The following MACROD2 variants were observed in gnomAD, a reference collection of about 807,000 sequenced individuals.
MACROD2 encodes ADP-ribose glycohydrolase MACROD2.
In MACROD2, 36 loss-of-function variants were observed where a neutral mutation model predicts 70.4. The observed-to-expected ratio is 0.51, with a 90% confidence interval of 0.39 to 0.68. The LOEUF (loss-of-function observed/expected upper bound fraction) is 0.68, where lower values mean the gene tolerates loss of function less well. Ranked by LOEUF, MACROD2 falls within the 30% of genes least tolerant of loss-of-function variation. The pLI is 0.00. For missense variants in MACROD2, 496 were observed against 538.4 expected (o/e 0.92, Z 0.78); for synonymous variants, 172 against 178.8 (o/e 0.96, Z 0.30).
rs1337653363 is a variant in MACROD2, at chr20:14,962,321, G to C, written c.419-267619G>C. ...TCAATTTGACATTTTTTTCTAGAGA[G>C]AGAATCTCACGCTGTCACCCAGGCT... On this transcript the variant is annotated intron_variant, in intron 5 of 17. Coordinates refer to ENST00000684519, the MANE Select transcript of MACROD2 (RefSeq NM_001351661.2). Among the ~76,000 whole-genome samples the C allele has an allele frequency of 3.9e-5, 6 of 151,942 alleles. No homozygotes were observed. In the East Asian group the frequency reaches 1.2e-3, roughly 29 times the overall value.
intron 8 of MACROD2, among the ~76,000 whole-genome samples, chr20:15,673,977 C>T (rs907483846): frequency 2.0e-5 from 3 of 151,988 alleles, no homozygotes; most frequent in Admixed American, 1.3e-4. Context: ...TTGTGGCTAC[C>T]GTATTGAAAT....
intron 3 of MACROD2, among the ~76,000 whole-genome samples, chr20:14,228,346 T>C (rs970321320): frequency 1.6e-4 from 5 of 30,852 alleles, no homozygotes; most frequent in Non-Finnish European, 3.6e-4. Flanking sequence ...TTCTTTTTTT[T>C]TTTTTTTTTG....
chr20:14,624,362 G>A (rs1158002980), intron 4 of MACROD2, among the ~76,000 whole-genome samples: 1 of 152,158 alleles, frequency 6.6e-6, no homozygotes, highest in Non-Finnish European at 1.5e-5. Flanking sequence ...TTTACTAAGG[G>A]ACATTTTAAT....
chr20:15,172,353 A>C (rs1326727624), intron 5 of MACROD2, among the ~76,000 whole-genome samples: 1 of 152,204 alleles, frequency 6.6e-6, no homozygotes, highest in Admixed American at 6.5e-5. Context: ...GAGATCTACC[A>C]AGAGAAATTC....
At chr20:15,574,009 T>C (rs1318440089) in intron 8 of MACROD2, among the ~76,000 whole-genome samples, 1 of 152,220 alleles carries the variant, frequency 6.6e-6, no homozygotes, top group East Asian at 1.9e-4. Flanking sequence ...TTACACACCT[T>C]AGACCTTGGT....
chr20:14,998,956 C>G (rs964246067), intron 5 of MACROD2, among the ~76,000 whole-genome samples: 8 of 152,222 alleles, frequency 5.3e-5, no homozygotes, highest in Non-Finnish European at 4.4e-5. Flanking sequence ...GGCAGCCTTA[C>G]AGGCCAGGAG....
At chr20:15,282,766 C>T (rs2077456985) in intron 6 of MACROD2, among the ~76,000 whole-genome samples, 2 of 152,200 alleles carry the variant, frequency 1.3e-5, no homozygotes, top group Admixed American at 1.3e-4. Flanking sequence ...ACTATTCCAA[C>T]CTCTGCCTGT....
intron 5 of MACROD2, among the ~76,000 whole-genome samples, chr20:15,227,643 G>T (rs889892205): frequency 6.6e-6 from 1 of 152,086 alleles, no homozygotes; most frequent in African/African-American, 2.4e-5. Context: ...TTTCCCAAAG[G>T]TGAAATTGTG....
chr20:15,519,373 C>G (rs973419202), intron 8 of MACROD2, among the ~76,000 whole-genome samples: 5 of 152,240 alleles, frequency 3.3e-5, no homozygotes, highest in Admixed American at 6.5e-5. Flanking sequence ...ATCCTCCCAC[C>G]TTGGCCTCCC....
chr20:15,055,930 G>A (rs771076780), intron 5 of MACROD2, among the ~76,000 whole-genome samples: 2 of 151,762 alleles, frequency 1.3e-5, no homozygotes, highest in Non-Finnish European at 2.9e-5. Flanking sequence ...GGGATTATAG[G>A]CGCCCACCAC....
At chr20:14,476,764 G>A (rs2084600173) in intron 3 of MACROD2, among the ~76,000 whole-genome samples, 2 of 152,136 alleles carry the variant, frequency 1.3e-5, no homozygotes, top group South Asian at 4.1e-4. Context: ...TTTTAATGAG[G>A]AACAAAAATA....
chr20:14,583,515 G>A (rs1374090773), intron 4 of MACROD2, among the ~76,000 whole-genome samples: 5 of 152,104 alleles, frequency 3.3e-5, no homozygotes, highest in Admixed American at 3.3e-4. Context: ...CACAACTTCA[G>A]TCTGCTTCCT....
chr20:15,448,537 GCA>G (rs1273104258), intron 7 of MACROD2, among the ~76,000 whole-genome samples: 1 of 152,056 alleles, frequency 6.6e-6, no homozygotes, highest in Non-Finnish European at 1.5e-5. Flanking sequence ...CCTGCTCCCA[GCA>G]CAGTGTTTGA....
intron 5 of MACROD2, among the ~76,000 whole-genome samples, chr20:15,048,542 G>A (rs565722666): frequency 6.6e-6 from 1 of 151,538 alleles, no homozygotes; most frequent in East Asian, 1.9e-4. Flanking sequence ...AATGATGTAT[G>A]TGAACGTGTT....
intron 5 of MACROD2, among the ~76,000 whole-genome samples, chr20:14,864,611 G>A (rs1360977648): frequency 2.6e-5 from 4 of 152,058 alleles, no homozygotes; most frequent in Non-Finnish European, 5.9e-5. Context: ...AATAGTGAGT[G>A]TTGAACCGAC....
At chr20:14,528,725 T>G (rs1863600824) in intron 4 of MACROD2, among the ~76,000 whole-genome samples, 1 of 152,186 alleles carries the variant, frequency 6.6e-6, no homozygotes, top group Admixed American at 6.5e-5. Context: ...ATCACTGTGT[T>G]GTCCAGAAAA....
intron 6 of MACROD2, among the ~76,000 whole-genome samples, chr20:15,296,673 G>A (rs2077592298): frequency 6.6e-6 from 1 of 152,206 alleles, no homozygotes; most frequent in African/African-American, 2.4e-5. Flanking sequence ...AGAGGGTAAT[G>A]TTCTGTCCTA....
chr20:15,964,529 G>A (rs190386251), intron 12 of MACROD2, among the ~76,000 whole-genome samples: 112 of 152,200 alleles, frequency 7.4e-4, no homozygotes, highest in Non-Finnish European at 2.8e-4. Context: ...CATCACCTTA[G>A]CAGTTAGACT....
At chr20:15,046,342 G>A (rs1355612480) in intron 5 of MACROD2, among the ~76,000 whole-genome samples, 2 of 152,104 alleles carry the variant, frequency 1.3e-5, no homozygotes, top group Non-Finnish European at 2.9e-5. Flanking sequence ...CATAAGTTTT[G>A]CAAAAAGAAT....
Sources: gnomAD v4.1 joint callset for allele counts (sites outside exome capture counted in the v4.1 genomes callset) on GRCh38, gnomAD v4.1.1 for gene constraint, MANE v1.5 for transcripts, NCBI Gene and HGNC (gene_info 2026-07-23, HGNC 2026-07-21) for gene names.